Variants in CYP2R1 observed in about 807,000 individuals in gnomAD.
The protein encoded by CYP2R1 is cytochrome P450 family 2 subfamily R member 1.
Under a neutral mutation model 45.7 loss-of-function variants are expected in CYP2R1, and 40 were observed. The ratio of observed to expected loss-of-function variants is 0.87; its 90% CI spans 0.68 to 1.14. The LOEUF (loss-of-function observed/expected upper bound fraction) is 1.14, where lower values mean the gene tolerates loss of function less well. Among genes scored for constraint, CYP2R1 ranks in the 50% most tolerant of loss-of-function variants. The probability of loss-of-function intolerance (pLI) is 0.00; values close to 1 mark genes in which losing one functional copy is unlikely to be tolerated. For missense variants in CYP2R1, 605 were observed against 602.6 expected (o/e 1.00, Z -0.04); for synonymous variants, 234 against 219.3 (o/e 1.07, Z -0.59).
intron 2 of CYP2R1, among the ~76,000 whole-genome samples, chr11:14,882,729 G>C (rs549472608): frequency 9.8e-5 from 15 of 152,326 alleles, no homozygotes; most frequent in African/African-American, 2.4e-4. Context: ...ATTAGGAAAA[G>C]AGGAAGTCAA....
At chr11:14,888,592 C>G (rs1468750170) in intron 1 of CYP2R1, among the ~76,000 whole-genome samples, 1 of 152,174 alleles carries the variant, frequency 6.6e-6, no homozygotes, top group Non-Finnish European at 1.5e-5. Context: ...CTTTTTCTCT[C>G]TGCTTTGAAC....
rs1555011758 is a variant in CYP2R1 at position 14,880,478 on chromosome 11, G to C, written c.658C>G (p.Leu220Val). The C allele has an allele frequency of 6.2e-7, 1 of 1,613,338 alleles. No individual in the cohort carries two copies. Among genetic ancestry groups the C allele is most frequent in the Non-Finnish European group, 8.5e-7 (1 of 1,179,682 alleles). ...MIELFSENVE[L>V]AASASVFLYN... ...AAGAAGACTGAGGCACTGGCAGCTA[G>C]TTCCACATTTTCACTAAATAACTCA... The change falls in exon 3 of 5, where the codon CTA becomes GTA. Residue 220 changes from leucine (L) to valine (V), a missense_variant. Physicochemically the swap from Leu to Val is conservative, Grantham distance 32. Transcript: ENST00000334636.
rs545391887 is a variant in CYP2R1 at position 14,892,185 on chromosome 11, A to T, written c.21T>A (p.Ala7=). The part of the protein sequence containing the change: MWKLWR[A]EEGAAALGGA... ...CGCCGAGCGCCGCCGCGCCCTCTTC[A>T]GCTCTCCAAAGCTTCCACATCGGCC... is the stretch of plus-strand genomic sequence containing the variant. The change falls in exon 1 of 5, where the codon GCT becomes GCA. Residue 7 remains alanine (A), a synonymous_variant. Transcript: ENST00000334636. 2.5e-6 allele frequency: 4 copies of T among 1,610,374 alleles called. No individual in the cohort carries two copies. Among genetic ancestry groups the T allele is most frequent in the Non-Finnish European group, 3.4e-6 (4 of 1,179,770 alleles).
At position 14,883,012 on chromosome 11, in the gene CYP2R1, C is replaced by T. The variant is rs573699727; in HGVS notation, c.368-2244G>A. Among the ~76,000 whole-genome samples the T allele has an allele frequency of 1.8e-3, 276 of 152,212 alleles. 1 individual carries two copies. The highest frequency in any genetic ancestry group is 6.3e-3 in the African/African-American group (261 of 41,528). ...GACCTCTTCAAGGAGAACTACAAAC[C>T]ACTGCTCAATGAAATAAAAGAGGAA... On this transcript the variant is annotated intron_variant, in intron 2 of 4. Coordinates refer to ENST00000334636, the MANE Select transcript of CYP2R1 (RefSeq NM_024514.5).
intron 2 of CYP2R1, among the ~76,000 whole-genome samples, chr11:14,884,838 G>C (rs1228309460): frequency 6.6e-6 from 1 of 151,862 alleles, no homozygotes; most frequent in Admixed American, 6.6e-5. Flanking sequence ...AAATATTACT[G>C]TGATTGCATC....
At chr11:14,892,332 G>A, upstream of CYP2R1, 2 of 894,146 alleles carry the variant, frequency 2.2e-6, no homozygotes, top group Non-Finnish European at 3.4e-6. Context: ...TTGGCTGACT[G>A]AGTGAGCGCT....
chr11:14,885,571 C>G (rs1259446962), intron 2 of CYP2R1, among the ~76,000 whole-genome samples: 1 of 152,122 alleles, frequency 6.6e-6, no homozygotes, highest in Non-Finnish European at 1.5e-5. Context: ...CTTATTAGAG[C>G]TGGACCACAA....
intron 2 of CYP2R1, among the ~76,000 whole-genome samples, chr11:14,884,019 A>C (rs1848503934): frequency 6.6e-6 from 1 of 152,104 alleles, no homozygotes; most frequent in East Asian, 2.0e-4. Flanking sequence ...ATCATTAAAA[A>C]GTCAGGAAAC....
At chr11:14,889,473 T>C (rs1050303228) in intron 1 of CYP2R1, among the ~76,000 whole-genome samples, 2 of 152,234 alleles carry the variant, frequency 1.3e-5, no homozygotes, top group Non-Finnish European at 2.9e-5. Flanking sequence ...ATCTAAGGCA[T>C]AGTGAGGCAA....
chr11:14,881,274 C>T (rs1308510014), intron 2 of CYP2R1, among the ~76,000 whole-genome samples: 6 of 151,998 alleles, frequency 3.9e-5, no homozygotes, highest in African/African-American at 1.4e-4. Flanking sequence ...GGTAAGGGTA[C>T]TCTGAATGAG....
intron 1 of CYP2R1, among the ~76,000 whole-genome samples, chr11:14,888,431 G>A (rs1487955445): frequency 6.6e-6 from 1 of 152,184 alleles, no homozygotes; most frequent in Non-Finnish European, 1.5e-5. Context: ...TGTGCAAAGT[G>A]CTGTTGATGA....
intron 1 of CYP2R1, chr11:14,890,776 C>T: frequency 5.5e-6 from 4 of 728,700 alleles, no homozygotes; most frequent in Non-Finnish European, 6.7e-6. Flanking sequence ...TCTCGATCTC[C>T]TGATTTCGTG....
chr11:14,886,654 C>T (rs575358391), intron 1 of CYP2R1: 1 of 152,176 alleles, frequency 6.6e-6, no homozygotes, highest in African/African-American at 2.4e-5. Flanking sequence ...TCTAGTTAAC[C>T]CAATATAAGA....
At chr11:14,886,058 A>C (rs1555014576) in intron 1 of CYP2R1, 141 bp from the exon 2 acceptor site, 1 of 797,572 alleles carries the variant, frequency 1.3e-6, no homozygotes, top group Non-Finnish European at 2.1e-6. Context: ...CTCAACTGAC[A>C]ATGTTCAGAG....
At chr11:14,891,874 G>A (rs1848871393) in intron 1 of CYP2R1, 107 bp downstream of exon 1, 4 of 1,440,386 alleles carry the variant, frequency 2.8e-6, no homozygotes, top group Non-Finnish European at 3.7e-6. Context: ...ACACGGAGAG[G>A]TCCCGACTAG....
rs782029885 is a variant in CYP2R1, at chr11:14,892,168, G to C, written c.38C>G (p.Ala13Gly). 1 of 1,610,730 alleles carries C rather than the reference G, an allele frequency of 6.2e-7. No homozygotes were observed. Among genetic ancestry groups the C allele is most frequent in the Non-Finnish European group, 8.5e-7 (1 of 1,179,772 alleles). ...KLWRAEEGAAALGGALFLLLF... is the reference protein window; with the variant it reads ...KLWRAEEGAAGLGGALFLLLF... ...CAGCAGGAAGAGCGCGCCGCCGAGC[G>C]CCGCCGCGCCCTCTTCAGCTCTCCA... The change falls in exon 1 of 5, where the codon GCG (alanine) becomes GGG (glycine). Residue 13 changes from alanine (A) to glycine (G), a missense_variant. Physicochemically the swap from Ala to Gly is moderately conservative, Grantham distance 60. Transcript: ENST00000334636.
chr11:14,888,268 G>T (rs1555015351), intron 1 of CYP2R1, among the ~76,000 whole-genome samples: 1 of 152,122 alleles, frequency 6.6e-6, no homozygotes, highest in Non-Finnish European at 1.5e-5. Context: ...ATAAGGGCAG[G>T]AATCTGTTTT....
intron 1 of CYP2R1, among the ~76,000 whole-genome samples, chr11:14,888,848 T>G (rs954762313): frequency 2.8e-4 from 43 of 152,212 alleles, no homozygotes; most frequent in African/African-American, 1.0e-3. Flanking sequence ...AATTATTTTA[T>G]TGTCCTGAAG....
chr11:14,888,767 C>G (rs1848714192), intron 1 of CYP2R1, among the ~76,000 whole-genome samples: 1 of 152,178 alleles, frequency 6.6e-6, no homozygotes, highest in Non-Finnish European at 1.5e-5. Context: ...TCATTCAGTG[C>G]TGTGCATAAA....
Sources: gnomAD v4.1 joint callset for allele counts (sites outside exome capture counted in the v4.1 genomes callset) on GRCh38, gnomAD v4.1.1 for gene constraint, MANE v1.5 for transcripts, NCBI Gene and HGNC (gene_info 2026-07-23, HGNC 2026-07-21) for gene names.